The following SDF4 variants were observed in gnomAD, a reference collection of about 807,000 sequenced individuals.
SDF4 encodes stromal cell derived factor 4.
Under a neutral mutation model 34.2 loss-of-function variants are expected in SDF4, and 22 were observed. The observed-to-expected ratio is 0.64, with a 90% CI of 0.46 to 0.92. SDF4 has a LOEUF of 0.92. Among genes scored for constraint, SDF4 ranks in the 40% least tolerant of loss-of-function variants. The pLI is 0.00. For missense variants in SDF4, 447 were observed against 499.9 expected (o/e 0.89, Z 1.01); for synonymous variants, 236 against 203.1 (o/e 1.16, Z -1.38).
At chr1:1,230,445 T>G (rs1638459414) in intron 1 of SDF4, among the ~76,000 whole-genome samples, 1 of 150,556 alleles carries the variant, frequency 6.6e-6, no homozygotes, top group African/African-American at 2.4e-5. Flanking sequence ...AAACCCTGGG[T>G]GAGGGGCTCA....
Position 1,217,679 on chromosome 1 carries a change from C to T in SDF4, c.901G>A (p.Asp301Asn). 2 of 1,613,848 alleles carry T rather than the reference C, an allele frequency of 1.2e-6. No homozygotes were observed. Among genetic ancestry groups the T allele is most frequent in the Non-Finnish European group, 1.7e-6 (2 of 1,179,958 alleles). Residue 301 changes from aspartate (D) to asparagine (N), a missense_variant, in exon 7 of 7, where the codon GAC (aspartate) becomes AAC (asparagine). By Grantham distance (23) the Asp-to-Asn change is conservative. Coordinates refer to ENST00000360001, the MANE Select transcript of SDF4 (RefSeq NM_016176.6). The surrounding 1 kb of genome is among the most constrained non-coding windows in gnomAD (Gnocchi z 8.5). ...AGCGCGTTGTACTCGTTCATGGGGT[C>T]CATGTAGCTCTGCGGGCGAGCGGGG... The part of the protein sequence containing the change: ...VTAEELESYM[D>N]PMNEYNALNE...
intron 4 of SDF4, chr1:1,219,748 CA>C: frequency 1.0e-6 from 1 of 986,114 alleles, no homozygotes; most frequent in Non-Finnish European, 1.2e-6. Context: ...CCTCCTGCCC[CA>C]TCTTGGGGCT....
At chr1:1,223,436 T>C (rs1650097015) in intron 3 of SDF4, 79 bp from the exon 4 acceptor site, 1 of 1,072,062 alleles carries the variant, frequency 9.3e-7, no homozygotes, top group Admixed American at 2.1e-5. Context: ...GGTCTTGCTC[T>C]GCTGCCCAGG....
In SDF4 at chr1:1,223,831, C is replaced by T; in HGVS notation, c.442+1G>A. 2 of 1,208,322 alleles carry T rather than the reference C, an allele frequency of 1.7e-6. No individual in the cohort carries two copies. Among genetic ancestry groups the T allele is most frequent in the Non-Finnish European group, 2.3e-6 (2 of 883,004 alleles). 74.9% of individuals were successfully genotyped at this position (1,208,322 alleles called of 1,614,324 possible). A position where few individuals can be genotyped will look rare whatever the true frequency, so the allele number is the denominator to read the frequency against. ...CACCCACCCCGGCCCAGCCACAGTACCGTCCCCGTCAGGGTCCACGGCGCG... is the reference window on the plus strand; with the variant it reads ...CACCCACCCCGGCCCAGCCACAGTATCGTCCCCGTCAGGGTCCACGGCGCG... On this transcript the variant is annotated splice_donor_variant, in intron 3 of 6. Transcript: ENST00000360001. LOFTEE classifies it high-confidence loss of function.
At chr1:1,223,620 G>A (rs1023890998) in intron 3 of SDF4, among the ~76,000 whole-genome samples, 3 of 152,158 alleles carry the variant, frequency 2.0e-5, no homozygotes, top group East Asian at 1.9e-4. Flanking sequence ...CATGGGCCAC[G>A]CCCAGTGCTT....
chr1:1,219,203 A>ACG, intron 4 of SDF4: 2 of 1,196,134 alleles, frequency 1.7e-6, no homozygotes, highest in South Asian at 3.3e-5. Flanking sequence ...GACAGCCTGG[A>ACG]CCCCCCCCTG....
chr1:1,224,404 C>A (rs955849350), intron 2 of SDF4, among the ~76,000 whole-genome samples: 1 of 152,170 alleles, frequency 6.6e-6, no homozygotes, highest in South Asian at 2.1e-4. Flanking sequence ...CTCAGCCTCC[C>A]GAGTAGCTGG....
Position 1,228,639 on chromosome 1 carries a change from T to A in SDF4, c.134A>T (p.Glu45Val). 6.2e-7 allele frequency: 1 copy of A among 1,613,176 alleles called. No homozygotes were observed. The highest frequency in any genetic ancestry group is 8.5e-7 in the Non-Finnish European group (1 of 1,180,002). Residue 45 changes from glutamate to valine, a missense_variant, in exon 2 of 7, where the codon GAG becomes GTG. By Grantham distance (121) the Glu-to-Val change is moderately radical. Transcript: ENST00000360001. Reference sequence around the variant, plus strand: ...GTCTGGGGGCAGGATCTCATTCTCCTCCCTGTTGGCTACTCTCTCTCGAGT... The same window carrying A: ...GTCTGGGGGCAGGATCTCATTCTCCACCCTGTTGGCTACTCTCTCTCGAGT... The part of the protein sequence containing the change: ...SSTRERVANR[E>V]ENEILPPDHL...
chr1:1,222,127 C>T (rs555892254), intron 4 of SDF4, among the ~76,000 whole-genome samples: 1 of 152,364 alleles, frequency 6.6e-6, no homozygotes, highest in African/African-American at 2.4e-5. Flanking sequence ...CAGCAGAGAA[C>T]CCACCCCAGG....
chr1:1,231,594 G>A (rs1024556109), intron 1 of SDF4, among the ~76,000 whole-genome samples: 6 of 152,260 alleles, frequency 3.9e-5, no homozygotes, highest in African/African-American at 1.4e-4. Flanking sequence ...GCCGATAAAC[G>A]CGAGTCCAAC....
At chr1:1,221,851 G>A (rs965973847) in intron 4 of SDF4, among the ~76,000 whole-genome samples, 1 of 152,048 alleles carries the variant, frequency 6.6e-6, no homozygotes, top group Admixed American at 6.6e-5. Context: ...CCCAGCTTCT[G>A]AGGTAGGAGG....
intron 4 of SDF4, among the ~76,000 whole-genome samples, chr1:1,221,615 G>T (rs939106358): frequency 3.9e-5 from 6 of 152,058 alleles, no homozygotes; most frequent in African/African-American, 1.4e-4. Context: ...TCCAGCCTGG[G>T]CAACAGTGAG....
chr1:1,223,423 T>G, intron 3 of SDF4, 66 bp from the exon 4 acceptor site: 1 of 1,169,916 alleles, frequency 8.5e-7, no homozygotes, highest in Non-Finnish European at 1.2e-6. Flanking sequence ...TCAACTGAGA[T>G]GGGGTCTTGC....
In SDF4 at chr1:1,217,830, C is replaced by A; in HGVS notation, c.892-142G>T. On this transcript the variant is annotated intron_variant, in intron 6 of 6. Transcript: ENST00000360001. This position sits in a 1 kb window ranked among gnomAD's most constrained non-coding sequence, Gnocchi z 8.5. ...CTGGAAGGTTCCCGAAGGGAGGCGG[C>A]ACAAATGAAAACACAGGGCAGGGAG... 6.5e-7 allele frequency: 1 copy of A among 1,542,380 alleles called. No homozygotes were observed. Among genetic ancestry groups the A allele is most frequent in the Non-Finnish European group, 8.7e-7 (1 of 1,149,204 alleles).
At chr1:1,226,591 G>A (rs76645738) in intron 2 of SDF4, among the ~76,000 whole-genome samples, 3 of 152,090 alleles carry the variant, frequency 2.0e-5, no homozygotes, top group East Asian at 3.9e-4. Flanking sequence ...GGGGCCCTAC[G>A]CAGGAGAAGG....
chr1:1,221,621 G>C (rs1451558505), intron 4 of SDF4, among the ~76,000 whole-genome samples: 2 of 152,162 alleles, frequency 1.3e-5, no homozygotes, highest in East Asian at 3.9e-4. Context: ...CTGGGCAACA[G>C]TGAGGCCCTC....
chr1:1,217,468 GC>G lies in SDF4; in HGVS notation c.*43del. The G allele has an allele frequency of 7.1e-7, 1 of 1,400,352 alleles. No individual in the cohort carries two copies. The highest frequency in any genetic ancestry group is 9.3e-7 in the Non-Finnish European group (1 of 1,075,426). The allele number at this position is 1,400,352 out of a possible 1,614,324, so 86.7% of individuals were successfully genotyped here. On this transcript the variant is annotated 3_prime_UTR_variant, in exon 7 of 7. Transcript: ENST00000360001. The surrounding 1 kb of genome is among the most constrained non-coding windows in gnomAD (Gnocchi z 8.5). ...GGAGCCCGGAGTCACCCGCGAGGCC[GC>G]CCCGGTGGTGCGTGGGGGGCGGCGC...
intron 1 of SDF4, among the ~76,000 whole-genome samples, chr1:1,230,416 T>A (rs1570494303): frequency 6.6e-6 from 1 of 151,794 alleles, no homozygotes. Flanking sequence ...GGTACAAGCC[T>A]GAGTTCCCCC....
chr1:1,217,936 C>G lies in SDF4; in HGVS notation c.892-248G>C. On this transcript the variant is annotated intron_variant, in intron 6 of 6. Coordinates refer to ENST00000360001, the MANE Select transcript of SDF4 (RefSeq NM_016176.6). This position sits in a 1 kb window ranked among gnomAD's most constrained non-coding sequence, Gnocchi z 8.5. The stretch of plus-strand genomic sequence containing the variant: ...GGCTACACAGGCCTGGACCCCAGTT[C>G]TGAAGGATCCCTAACCTGGGCCGGG... 3 of 1,024,182 alleles carry G rather than the reference C, an allele frequency of 2.9e-6. No individual in the cohort carries two copies. The highest frequency in any genetic ancestry group is 2.8e-5 in the East Asian group (1 of 35,952). 63.4% of individuals were successfully genotyped at this position (1,024,182 alleles called of 1,614,324 possible). A position where few individuals can be genotyped will look rare whatever the true frequency, so the allele number is the denominator to read the frequency against.
Sources: gnomAD v4.1 joint callset for allele counts (sites outside exome capture counted in the v4.1 genomes callset) on GRCh38, gnomAD v4.1.1 for gene constraint, Gnocchi (gnomAD v3.1) non-coding constraint, MANE v1.5 for transcripts, NCBI Gene and HGNC (gene_info 2026-07-23, HGNC 2026-07-21) for gene names.